HDAC4: variants seen among roughly 807,000 people sequenced by gnomAD.
HDAC4 encodes the protein histone deacetylase A.
Under a neutral mutation model 135.1 loss-of-function variants are expected in HDAC4, and 16 were observed. The observed-to-expected ratio is 0.12, with a 90% CI of 0.08 to 0.18. The LOEUF is 0.18. HDAC4 is among the 10% of genes least tolerant of loss of function. HDAC4 has a pLI of 1.00. For synonymous variants in HDAC4, 685 were observed against 653.4 expected, an observed-to-expected ratio of 1.05 and a Z score of -0.74; for missense variants, 1,143 against 1,511.8, an observed-to-expected ratio of 0.76 and a Z score of 4.05.
chr2:239,140,504 G>A (rs1167613682), intron 8 of HDAC4, among the ~76,000 whole-genome samples: 1 of 152,188 alleles, frequency 6.6e-6, no homozygotes, highest in Admixed American at 6.5e-5. Context: ...GGAGGCCGCT[G>A]AGGCTCTCGA....
chr2:239,238,407 C>G (rs1342056189), intron 2 of HDAC4, among the ~76,000 whole-genome samples: 1 of 152,084 alleles, frequency 6.6e-6, no homozygotes, highest in East Asian at 1.9e-4. Flanking sequence ...CTGCAGTTTT[C>G]CAATGGGAAG....
intron 24 of HDAC4, 105 bp from the exon 25 acceptor site, chr2:239,054,938 T>A (rs1054388372): frequency 2.4e-6 from 2 of 826,070 alleles, no homozygotes; most frequent in Non-Finnish European, 4.3e-6. Context: ...GAGACCCTTG[T>A]GGGGTGCATT....
intron 15 of HDAC4, among the ~76,000 whole-genome samples, chr2:239,107,585 C>G (rs1309432479): frequency 6.6e-6 from 1 of 152,232 alleles, no homozygotes; most frequent in Non-Finnish European, 1.5e-5. Flanking sequence ...CTCGAAGAAG[C>G]TTTTCAAAAT....
intron 9 of HDAC4, among the ~76,000 whole-genome samples, chr2:239,138,283 G>C (rs2041111737): frequency 6.6e-6 from 1 of 152,162 alleles, no homozygotes; most frequent in African/African-American, 2.4e-5. Flanking sequence ...TAAGCAGCCT[G>C]GAGACAAAGG....
At chr2:239,393,469 C>T (rs1023589454) in intron 1 of HDAC4, among the ~76,000 whole-genome samples, 2 of 152,216 alleles carry the variant, frequency 1.3e-5, no homozygotes, top group Non-Finnish European at 2.9e-5. Context: ...TGCCAGTTGG[C>T]CCGGCTCATC....
chr2:239,053,006 C>T lies in HDAC4; in HGVS notation c.*91G>A, dbSNP rs568342923. 117 of 1,490,368 alleles carry T rather than the reference C, an allele frequency of 7.9e-5. No individual in the cohort carries two copies. The South Asian group carries it at 9.5e-4, about 12-fold the overall frequency. 92.3% of individuals were successfully genotyped at this position (1,490,368 alleles called of 1,614,324 possible). Reference sequence around the variant, plus strand: ...CCCTGGGTGCTCCAAGAGAGCCCCACGGTGGGACGCAGGCGTGACACGGGA... The same window carrying T: ...CCCTGGGTGCTCCAAGAGAGCCCCATGGTGGGACGCAGGCGTGACACGGGA... On this transcript the variant is annotated 3_prime_UTR_variant, in exon 27 of 27. Coordinates refer to ENST00000543185, the MANE Select transcript of HDAC4 (RefSeq NM_001378414.1).
At chr2:239,371,934 G>T (rs188191516) in intron 1 of HDAC4, among the ~76,000 whole-genome samples, 4 of 152,336 alleles carry the variant, frequency 2.6e-5, no homozygotes, top group Non-Finnish European at 5.9e-5. Context: ...ATCCATCAGA[G>T]ATTTCAACAA....
chr2:239,211,464 G>A (rs1163340284), intron 3 of HDAC4, among the ~76,000 whole-genome samples: 2 of 152,202 alleles, frequency 1.3e-5, no homozygotes, highest in South Asian at 2.1e-4. Flanking sequence ...TTAGTCAAAT[G>A]AGGATGAAGA....
At chr2:239,119,513 A>T (rs1297472221) in intron 12 of HDAC4, among the ~76,000 whole-genome samples, 1 of 151,410 alleles carries the variant, frequency 6.6e-6, no homozygotes, top group African/African-American at 2.4e-5. Flanking sequence ...GGGCGCGGGG[A>T]CCAGAGCTCA....
chr2:239,375,254 C>T (rs770314429), intron 1 of HDAC4, among the ~76,000 whole-genome samples: 20 of 152,286 alleles, frequency 1.3e-4, no homozygotes, highest in Non-Finnish European at 2.9e-4. Flanking sequence ...GAGGGTGCCC[C>T]GGGAGGTGCC....
At chr2:239,287,419 G>A (rs752842118) in intron 2 of HDAC4, among the ~76,000 whole-genome samples, 7 of 152,232 alleles carry the variant, frequency 4.6e-5, no homozygotes, top group Non-Finnish European at 8.8e-5. Context: ...GAAGGTCACA[G>A]AGACCAAGTG....
chr2:239,072,459 G>A (rs1312499955), intron 22 of HDAC4, among the ~76,000 whole-genome samples: 6 of 152,184 alleles, frequency 3.9e-5, no homozygotes, highest in African/African-American at 1.4e-4. Flanking sequence ...CTACTTCCTG[G>A]AGCTGCTCAG....
At chr2:239,310,075 C>T (rs1015189345) in intron 2 of HDAC4, among the ~76,000 whole-genome samples, 3 of 152,246 alleles carry the variant, frequency 2.0e-5, no homozygotes, top group South Asian at 2.1e-4. Flanking sequence ...GGGCTCTGTG[C>T]GTAGAGGTGC....
intron 2 of HDAC4, among the ~76,000 whole-genome samples, chr2:239,268,087 G>C (rs1438117948): frequency 6.6e-6 from 1 of 152,242 alleles, no homozygotes; most frequent in Non-Finnish European, 1.5e-5. Context: ...TGTTTTGAGA[G>C]GGGTTTAAAT....
intron 2 of HDAC4, among the ~76,000 whole-genome samples, chr2:239,324,179 T>C (rs1031996681): frequency 1.3e-5 from 2 of 152,182 alleles, no homozygotes; most frequent in African/African-American, 2.4e-5. Context: ...TTTTCAAACA[T>C]AGAGTACTTG....
At chr2:239,069,845 G>A (rs1232776479) in intron 22 of HDAC4, among the ~76,000 whole-genome samples, 1 of 152,212 alleles carries the variant, frequency 6.6e-6, no homozygotes, top group African/African-American at 2.4e-5. Context: ...CTTAGTGAGA[G>A]TGAGAGCATT....
At position 239,216,362 on chromosome 2, in the gene HDAC4, G is replaced by A. The variant is rs570609666; in HGVS notation, c.94+20231C>T. On this transcript the variant is annotated intron_variant, in intron 3 of 26. Transcript: ENST00000543185. ...AGTCTCCAAAAAACCTTGGCACTAAGAGCTGATGTTCTCATGTTCTGACCT... is the reference window on the plus strand; with the variant it reads ...AGTCTCCAAAAAACCTTGGCACTAAAAGCTGATGTTCTCATGTTCTGACCT... Among the ~76,000 whole-genome samples, 305 of 152,040 alleles carry A rather than the reference G, an allele frequency of 2.0e-3. 1 individual carries two copies. The highest frequency in any genetic ancestry group is 3.8e-3 in the Admixed American group (58 of 15,284).
Position 239,134,767 on chromosome 2 carries a change from G to T in HDAC4, c.979-124C>A, listed in dbSNP as rs537199644. 1.2e-5 allele frequency: 9 copies of T among 763,038 alleles called. No homozygotes were observed. In the Admixed American group the frequency reaches 1.7e-4, roughly 15 times the overall value. The allele number at this position is 763,038 out of a possible 1,614,324, so 47.3% of individuals were successfully genotyped here. On this transcript the variant is annotated intron_variant, in intron 9 of 26. Transcript: ENST00000543185. ...CTGATATATGAGCGTAAACGTACAT[G>T]TAACAAATGAGACAGCAATGAGAGC...
At chr2:239,181,909 G>A (rs996461474) in intron 4 of HDAC4, among the ~76,000 whole-genome samples, 16 of 152,162 alleles carry the variant, frequency 1.1e-4, no homozygotes, top group African/African-American at 3.1e-4. Flanking sequence ...GCCTAGAGAC[G>A]CCGACTTCCT....
Sources: gnomAD v4.1 joint callset for allele counts (sites outside exome capture counted in the v4.1 genomes callset) on GRCh38, gnomAD v4.1.1 for gene constraint, MANE v1.5 for transcripts, NCBI Gene and HGNC (gene_info 2026-07-23, HGNC 2026-07-21) for gene names.